Variants in WSCD2 observed in about 807,000 individuals in gnomAD.
WSCD2 encodes the protein WSC domain sialate O sulfotransferase 2, also known as sialate:O-sulfotransferase 2.
WSCD2 carries 28 observed loss-of-function variants against 55.7 expected under a neutral mutation model. The ratio of observed to expected loss-of-function variants is 0.50; its 90% CI spans 0.37 to 0.69. The LOEUF is 0.69. WSCD2 is among the 30% of genes least tolerant of loss of function. WSCD2 has a pLI of 0.00. For missense variants in WSCD2, 616 were observed against 762.1 expected (o/e 0.81, Z 2.26); for synonymous variants, 301 against 301.9 (o/e 1.00, Z 0.03).
chr12:108,204,479 T>C (rs1885083577), intron 2 of WSCD2, among the ~76,000 whole-genome samples: 1 of 152,158 alleles, frequency 6.6e-6, no homozygotes, highest in South Asian at 2.1e-4. Flanking sequence ...CTGAAGTTAG[T>C]GTGCAGCCCT....
intron 4 of WSCD2, among the ~76,000 whole-genome samples, chr12:108,219,317 G>A (rs968505401): frequency 3.3e-5 from 5 of 152,150 alleles, no homozygotes; most frequent in African/African-American, 7.2e-5. Flanking sequence ...AGATGAGCAC[G>A]GTCCACAGGA....
intron 1 of WSCD2, among the ~76,000 whole-genome samples, chr12:108,182,602 G>A (rs903996139): frequency 1.3e-5 from 2 of 152,180 alleles, no homozygotes; most frequent in Non-Finnish European, 2.9e-5. Flanking sequence ...AGAAGGTATG[G>A]TCACGTTACT....
intron 2 of WSCD2, among the ~76,000 whole-genome samples, chr12:108,200,149 G>T (rs1011716889): frequency 6.6e-6 from 1 of 152,176 alleles, no homozygotes; most frequent in Non-Finnish European, 1.5e-5. Context: ...GATTTAGTCT[G>T]CATTTTTTTG....
intron 6 of WSCD2, among the ~76,000 whole-genome samples, chr12:108,227,711 C>CATGATGATAATGATGGTGATGATG (rs1286895957): frequency 6.0e-4 from 88 of 145,714 alleles, no homozygotes; most frequent in African/African-American, 2.2e-3. Flanking sequence ...GGCTACCAGA[C>CATGATGATAATGATGGTGATGATG]ATGATGATAA....
chr12:108,245,024 A>G (rs978957850), intron 8 of WSCD2, among the ~76,000 whole-genome samples: 1 of 152,134 alleles, frequency 6.6e-6, no homozygotes, highest in Non-Finnish European at 1.5e-5. Flanking sequence ...TGCTATTATG[A>G]ATAGTGCTGC....
chr12:108,177,150 G>A (rs1348808231), intron 1 of WSCD2, among the ~76,000 whole-genome samples: 1 of 151,974 alleles, frequency 6.6e-6, no homozygotes, highest in Non-Finnish European at 1.5e-5. Flanking sequence ...CTGTTAAATG[G>A]GGCTTGTATT....
At chr12:108,180,089 G>T (rs1308310020) in intron 1 of WSCD2, among the ~76,000 whole-genome samples, 3 of 145,930 alleles carry the variant, frequency 2.1e-5, no homozygotes, top group East Asian at 4.0e-4. Flanking sequence ...GAAAAGAAAA[G>T]AAATCATGTA....
intron 1 of WSCD2, among the ~76,000 whole-genome samples, chr12:108,158,520 A>C (rs967437702): frequency 1.3e-5 from 2 of 152,106 alleles, no homozygotes; most frequent in Non-Finnish European, 2.9e-5. Flanking sequence ...GGAGTGGCCA[A>C]AACAGCCCTA....
At chr12:108,164,160 T>TTTTTTTTTTTTTTTTTTTTTTTTA (rs1412057706) in intron 1 of WSCD2, among the ~76,000 whole-genome samples, 1 of 145,968 alleles carries the variant, frequency 6.9e-6, no homozygotes, top group Non-Finnish European at 1.5e-5. Flanking sequence ...TTTTTTTTTT[T>TTTTTTTTTTTTTTTTTTTTTTTTA]TTCAGAGAGG....
rs147632235 is a variant in WSCD2 at position 108,227,358 on chromosome 12, G to A, written c.979+194G>A. On this transcript the variant is annotated intron_variant, in intron 6 of 8. Transcript: ENST00000547525. Reference sequence around the variant, plus strand: ...AGAAGGAATTCCCAGGGTGGGAAGCGTTCTGATGACCCATCTCTATCCCTC... The same window carrying A: ...AGAAGGAATTCCCAGGGTGGGAAGCATTCTGATGACCCATCTCTATCCCTC... Among the ~76,000 whole-genome samples, 8 of 152,368 alleles carry A rather than the reference G, an allele frequency of 5.3e-5. No homozygotes were observed. In the East Asian group the frequency reaches 7.7e-4, roughly 15 times the overall value.
At chr12:108,152,050 G>A (rs1356289794) in intron 1 of WSCD2, among the ~76,000 whole-genome samples, 2 of 152,168 alleles carry the variant, frequency 1.3e-5, no homozygotes, top group Non-Finnish European at 2.9e-5. Context: ...CATCAGGGAC[G>A]CTGCAGTTGC....
chr12:108,139,157 C>T (rs1014688404), intron 1 of WSCD2, among the ~76,000 whole-genome samples: 1 of 152,200 alleles, frequency 6.6e-6, no homozygotes, highest in Non-Finnish European at 1.5e-5. Flanking sequence ...CAGCTTACCA[C>T]CTTAGGAAAG....
intron 4 of WSCD2, among the ~76,000 whole-genome samples, chr12:108,216,200 G>T (rs1401299524): frequency 6.6e-6 from 1 of 152,206 alleles, no homozygotes; most frequent in Non-Finnish European, 1.5e-5. Context: ...CCTACCAGCT[G>T]TGTGACCTGG....
chr12:108,210,866 C>A lies in WSCD2; in HGVS notation c.682+561C>A, dbSNP rs929979242. Among the ~76,000 whole-genome samples, 11 of 152,166 alleles carry A rather than the reference C, an allele frequency of 7.2e-5. No homozygotes were observed. The highest frequency in any genetic ancestry group is 2.7e-4 in the African/African-American group (11 of 41,434). ...CCTTGATGCTTTCAAAGAGAGAATT[C>A]ATCCTGGCTTTTTCAAGCTTCTGGT... On this transcript the variant is annotated intron_variant, in intron 4 of 8. Transcript: ENST00000547525. The surrounding 1 kb of genome is among the most constrained non-coding windows in gnomAD (Gnocchi z 4.3).
rs201256887 is a variant in WSCD2, at chr12:108,249,046, C to G, written c.*703C>G. 11 of 443,570 alleles carry G rather than the reference C, an allele frequency of 2.5e-5. No individual in the cohort carries two copies. In the East Asian group the frequency reaches 9.4e-4, roughly 38 times the overall value. 27.5% of individuals were successfully genotyped at this position (443,570 alleles called of 1,614,324 possible). The stretch of plus-strand genomic sequence containing the variant: ...GCCTTTCCACCTCCAGGGCATGAAC[C>G]CTGCCCCTTTCTATCCATGCTGTGT... On this transcript the variant is annotated 3_prime_UTR_variant, in exon 9 of 9. Transcript: ENST00000547525.
chr12:108,226,862 C>A, intron 5 of WSCD2, 128 bp from the exon 6 acceptor site: 1 of 1,132,168 alleles, frequency 8.8e-7, no homozygotes, highest in East Asian at 2.6e-5. Flanking sequence ...AATTTGGGGA[C>A]CCTCAAGTTA....
intron 7 of WSCD2, among the ~76,000 whole-genome samples, chr12:108,233,309 T>C (rs1888973968): frequency 6.6e-6 from 1 of 152,234 alleles, no homozygotes; most frequent in African/African-American, 2.4e-5. Context: ...GAGCACCTAC[T>C]ATTCACCAGG....
At chr12:108,156,582 C>A (rs1002490501) in intron 1 of WSCD2, among the ~76,000 whole-genome samples, 1 of 152,176 alleles carries the variant, frequency 6.6e-6, no homozygotes, top group Non-Finnish European at 1.5e-5. Context: ...AAAATCTGAT[C>A]TGGCAGATTG....
chr12:108,195,908 T>C lies in WSCD2; in HGVS notation c.76T>C (p.Tyr26His), dbSNP rs1388289401. The C allele has an allele frequency of 6.2e-7, 1 of 1,614,188 alleles. No individual in the cohort carries two copies. Among genetic ancestry groups the C allele is most frequent in the Non-Finnish European group, 8.5e-7 (1 of 1,180,032 alleles). ...PVRFFTFLAL[Y>H]LTAGSLVFLH... ...GCGCTTCTTTACCTTCCTGGCACTC[T>C]ACCTGACTGCTGGGAGCCTTGTCTT... Residue 26 changes from tyrosine to histidine, a missense_variant, in exon 2 of 9, where the codon TAC becomes CAC. Physicochemically the swap from Tyr to His is moderately conservative, Grantham distance 83. Transcript: ENST00000547525.
Sources: allele counts gnomAD v4.1 joint callset (sites outside exome capture counted in the v4.1 genomes callset), GRCh38; gene constraint gnomAD v4.1.1; non-coding constraint Gnocchi (gnomAD v3.1); transcripts MANE v1.5; gene names NCBI Gene and HGNC (gene_info 2026-07-23, HGNC 2026-07-21).